The following PTPRD variants were observed in gnomAD, a reference collection of about 807,000 sequenced individuals.
PTPRD encodes the protein protein tyrosine phosphatase receptor type D.
In PTPRD, 34 loss-of-function variants were observed where a neutral mutation model predicts 214.5. The ratio of observed to expected loss-of-function variants is 0.16; its 90% CI spans 0.12 to 0.21. The LOEUF (loss-of-function observed/expected upper bound fraction) is 0.21, where lower values mean the gene tolerates loss of function less well. Ranked by LOEUF, PTPRD falls within the 10% of genes least tolerant of loss-of-function variation. The pLI, the probability that PTPRD is intolerant of heterozygous loss-of-function variation, is 1.00. For synonymous variants in PTPRD, 1,128 were observed against 845.7 expected (o/e 1.33, Z -5.79); for missense variants, 2,545 against 2,398.7 (o/e 1.06, Z -1.27).
At chr9:9,942,635 C>A (rs2091776708) in intron 4 of PTPRD, among the ~76,000 whole-genome samples, 1 of 151,572 alleles carries the variant, frequency 6.6e-6, no homozygotes, top group African/African-American at 2.4e-5. Flanking sequence ...CTTGGGTGGG[C>A]CGACTTCTAC....
chr9:9,345,989 G>C (rs2048644921), intron 9 of PTPRD, among the ~76,000 whole-genome samples: 2 of 152,144 alleles, frequency 1.3e-5, no homozygotes, highest in African/African-American at 4.8e-5. Flanking sequence ...ACTCTTTTTA[G>C]AAGATTTCAG....
intron 9 of PTPRD, among the ~76,000 whole-genome samples, chr9:9,203,753 G>A (rs192954533): frequency 6.1e-4 from 93 of 152,184 alleles, no homozygotes; most frequent in Admixed American, 1.5e-3. Context: ...TGTAGCAAGC[G>A]GGTATTTTAT....
At chr9:8,665,814 A>C (rs988231104) in intron 12 of PTPRD, among the ~76,000 whole-genome samples, 1 of 152,182 alleles carries the variant, frequency 6.6e-6, no homozygotes, top group African/African-American at 2.4e-5. Flanking sequence ...TCAATATCCA[A>C]AGAAATACTT....
intron 3 of PTPRD, among the ~76,000 whole-genome samples, chr9:10,036,121 C>T (rs985927342): frequency 3.9e-5 from 6 of 152,042 alleles, no homozygotes; most frequent in East Asian, 1.9e-4. Context: ...TCCAAATAAA[C>T]GCAGTATTAG....
chr9:8,584,255 A>T (rs147617129), intron 14 of PTPRD, among the ~76,000 whole-genome samples: 196 of 152,314 alleles, frequency 1.3e-3, no homozygotes, highest in African/African-American at 4.6e-3. Flanking sequence ...AATCATAAAA[A>T]GCATTTAACC....
chr9:9,057,004 T>C (rs1353444014), intron 10 of PTPRD, among the ~76,000 whole-genome samples: 1 of 152,210 alleles, frequency 6.6e-6, no homozygotes, highest in Non-Finnish European at 1.5e-5. Context: ...CAGTCTCATC[T>C]TAATTTTTTT....
intron 35 of PTPRD, among the ~76,000 whole-genome samples, chr9:8,433,031 G>A (rs1159740466): frequency 6.6e-6 from 1 of 152,324 alleles, no homozygotes; most frequent in East Asian, 1.9e-4. Context: ...ACATTTAAAA[G>A]AGGCCAGTTA....
At chr9:10,548,506 T>A (rs1201027969) in intron 2 of PTPRD, among the ~76,000 whole-genome samples, 1 of 152,186 alleles carries the variant, frequency 6.6e-6, no homozygotes, top group African/African-American at 2.4e-5. Flanking sequence ...AGGGCTCAGC[T>A]GTTCTGTGAA....
chr9:9,588,803 C>T (rs1478909900), intron 7 of PTPRD, among the ~76,000 whole-genome samples: 1 of 151,856 alleles, frequency 6.6e-6, no homozygotes, highest in East Asian at 1.9e-4. Context: ...ATCATTTTAG[C>T]TGAGTATAAT....
At chr9:9,593,285 T>TA (rs1337443992) in intron 7 of PTPRD, among the ~76,000 whole-genome samples, 2 of 151,476 alleles carry the variant, frequency 1.3e-5, no homozygotes, top group African/African-American at 4.9e-5. Context: ...CACTATTTTT[T>TA]ATGGAAACTT....
chr9:9,312,273 G>C (rs1285122188), intron 9 of PTPRD, among the ~76,000 whole-genome samples: 1 of 152,156 alleles, frequency 6.6e-6, no homozygotes, highest in Non-Finnish European at 1.5e-5. Flanking sequence ...AAGCATCTGG[G>C]ATTGCAACTT....
intron 12 of PTPRD, among the ~76,000 whole-genome samples, chr9:8,729,355 G>C (rs1330465991): frequency 1.3e-5 from 2 of 151,854 alleles, no homozygotes; most frequent in Non-Finnish European, 2.9e-5. Flanking sequence ...CCTACATATA[G>C]GACTTTGCAG....
At chr9:8,888,069 T>C (rs921567300) in intron 11 of PTPRD, among the ~76,000 whole-genome samples, 1 of 152,212 alleles carries the variant, frequency 6.6e-6, no homozygotes, top group African/African-American at 2.4e-5. Context: ...GAATAATTAC[T>C]CTCACTCTTT....
chr9:9,705,952 T>C (rs989043762), intron 7 of PTPRD, among the ~76,000 whole-genome samples: 1 of 152,152 alleles, frequency 6.6e-6, no homozygotes, highest in Non-Finnish European at 1.5e-5. Context: ...GACGATGGTC[T>C]ACATAGCTCC....
intron 3 of PTPRD, among the ~76,000 whole-genome samples, chr9:10,251,412 A>T (rs865788149): frequency 3.5e-4 from 51 of 147,774 alleles, no homozygotes; most frequent in African/African-American, 1.1e-3. Context: ...TTTTTTTTTT[A>T]ATTTTTTTCC....
intron 3 of PTPRD, among the ~76,000 whole-genome samples, chr9:10,320,063 T>C (rs1367968368): frequency 1.3e-5 from 2 of 152,052 alleles, no homozygotes; most frequent in African/African-American, 4.8e-5. Flanking sequence ...CCAATTGAAA[T>C]TCTAAAATCT....
At chr9:8,505,504 C>A (rs1217145087) in intron 22 of PTPRD, among the ~76,000 whole-genome samples, 1 of 151,256 alleles carries the variant, frequency 6.6e-6, no homozygotes, top group African/African-American at 2.4e-5. Flanking sequence ...CGCCTGTGGT[C>A]CCAGCTACTT....
intron 11 of PTPRD, among the ~76,000 whole-genome samples, chr9:8,802,030 T>A (rs2096582038): frequency 6.6e-6 from 1 of 152,198 alleles, no homozygotes; most frequent in Non-Finnish European, 1.5e-5. Flanking sequence ...TTATTTATTA[T>A]CGCCAATCTG....
At chr9:10,177,465 G>C (rs925934576) in intron 3 of PTPRD, among the ~76,000 whole-genome samples, 2 of 145,590 alleles carry the variant, frequency 1.4e-5, no homozygotes, top group Non-Finnish European at 3.0e-5. Context: ...AAAAAAAAAA[G>C]ACTGACACTA....
Sources: allele counts gnomAD v4.1 joint callset (sites outside exome capture counted in the v4.1 genomes callset), GRCh38; gene constraint gnomAD v4.1.1; transcripts MANE v1.5; gene names NCBI Gene and HGNC (gene_info 2026-07-23, HGNC 2026-07-21).